Variants in ASTN2 observed in about 807,000 individuals in gnomAD.
ASTN2 encodes the protein astrotactin-2.
A neutral mutation model predicts 139.8 loss-of-function variants in ASTN2; 54 were observed. That is an observed-to-expected ratio of 0.39 (90% CI 0.31 to 0.48). The LOEUF is 0.48. Ranked by LOEUF, ASTN2 falls within the 20% of genes least tolerant of loss-of-function variation. The pLI, the probability that ASTN2 is intolerant of heterozygous loss-of-function variation, is 0.95. For missense variants in ASTN2, 1,565 were observed against 1,725.1 expected (o/e 0.91, Z 1.64); for synonymous variants, 756 against 719.5 (o/e 1.05, Z -0.81).
At chr9:117,214,255 C>A in intron 3 of ASTN2, 103 bp downstream of exon 3, 1 of 1,403,710 alleles carries the variant, frequency 7.1e-7, no homozygotes, top group Middle Eastern at 2.1e-4. Flanking sequence ...AGTGGCTTAT[C>A]CCAGAAAACA....
rs181326694 is a variant in ASTN2 at position 116,786,270 on chromosome 9, C to A, written c.2396+19362G>T. 2.6e-5 allele frequency among the ~76,000 whole-genome samples: 4 copies of A among 152,290 alleles called. No individual in the cohort carries two copies. The East Asian group carries it at 7.7e-4, about 29-fold the overall frequency. ...ATCCCCTGCCTAAAACCCTCTAGTACCCTTAACTCAACCTGCTTTTCTCCA... is the reference window on the plus strand; with the variant it reads ...ATCCCCTGCCTAAAACCCTCTAGTAACCTTAACTCAACCTGCTTTTCTCCA... On this transcript the variant is annotated intron_variant, in intron 13 of 22. Coordinates refer to ENST00000313400, the MANE Select transcript of ASTN2 (RefSeq NM_001365068.1).
Position 116,573,385 on chromosome 9 carries a change from A to T in ASTN2, c.3355+44939T>A, listed in dbSNP as rs148562119. ...AAATAAATTTGAAAAATACAGGATT[A>T]AATAAAGTTAAACAGATTTTTTTTC... On this transcript the variant is annotated intron_variant, in intron 19 of 22. Coordinates refer to ENST00000313400, the MANE Select transcript of ASTN2 (RefSeq NM_001365068.1). Among the ~76,000 whole-genome samples the T allele has an allele frequency of 6.2e-3, 945 of 152,334 alleles. 14 individuals carry two copies. The highest frequency in any genetic ancestry group is 0.021 in the African/African-American group (885 of 41,570).
At chr9:116,613,803 T>G (rs1201459619) in intron 19 of ASTN2, among the ~76,000 whole-genome samples, 1 of 152,184 alleles carries the variant, frequency 6.6e-6, no homozygotes, top group East Asian at 1.9e-4. Flanking sequence ...GCATTCTCTT[T>G]GAAAACTGGC....
At chr9:116,831,905 A>G (rs1326812) in intron 11 of ASTN2, among the ~76,000 whole-genome samples, 36,140 of 152,074 alleles carry the variant, frequency 0.24, 4,922 homozygotes, top group East Asian at 0.5. Flanking sequence ...GAATACGTAT[A>G]TCTTTCCTTG....
chr9:117,226,350 T>C (rs371797180), intron 2 of ASTN2, among the ~76,000 whole-genome samples: 1 of 152,194 alleles, frequency 6.6e-6, no homozygotes, highest in Non-Finnish European at 1.5e-5. Flanking sequence ...ATCTTTCTCA[T>C]CTTAATGAGA....
intron 16 of ASTN2, among the ~76,000 whole-genome samples, chr9:116,663,891 T>A (rs1416959583): frequency 6.6e-6 from 1 of 152,152 alleles, no homozygotes; most frequent in African/African-American, 2.4e-5. Flanking sequence ...TCCAAGAACA[T>A]CTGGATTGCC....
intron 13 of ASTN2, among the ~76,000 whole-genome samples, chr9:116,805,430 A>T (rs1175130870): frequency 6.6e-6 from 1 of 152,166 alleles, no homozygotes; most frequent in African/African-American, 2.4e-5. Context: ...AGTGGGACAA[A>T]TATATGCTAG....
intron 5 of ASTN2, among the ~76,000 whole-genome samples, chr9:117,087,496 G>A (rs943345686): frequency 2.6e-5 from 4 of 152,238 alleles, no homozygotes; most frequent in East Asian, 3.9e-4. Context: ...CCAAAGTACC[G>A]AGATTACAGG....
chr9:116,666,272 A>G (rs752255373), intron 16 of ASTN2, among the ~76,000 whole-genome samples: 7 of 152,190 alleles, frequency 4.6e-5, no homozygotes, highest in Non-Finnish European at 8.8e-5. Context: ...GCACTGCCTG[A>G]GTAATTCAGG....
At position 117,084,111 on chromosome 9, in the gene ASTN2, CTTT is replaced by C. The variant is rs1022241161; in HGVS notation, c.1276+11930_1276+11932del. ...GGGAGAGAATAGAGACAGATAGGAG[CTTT>C]TTAAGCCCATAACAATTTCTGAATA... On this transcript the variant is annotated intron_variant, in intron 5 of 22. Transcript: ENST00000313400. 5.3e-5 allele frequency among the ~76,000 whole-genome samples: 8 copies of C among 151,646 alleles called. 1 individual carries two copies. The highest frequency in any genetic ancestry group is 1.9e-4 in the African/African-American group (8 of 41,286).
chr9:117,381,680 C>A (rs979260794), intron 1 of ASTN2, among the ~76,000 whole-genome samples: 1 of 152,092 alleles, frequency 6.6e-6, no homozygotes, highest in Non-Finnish European at 1.5e-5. Flanking sequence ...GAACCATAAG[C>A]CAATTAAACC....
intron 1 of ASTN2, among the ~76,000 whole-genome samples, chr9:117,391,335 G>A (rs961162053): frequency 6.6e-6 from 1 of 152,158 alleles, no homozygotes; most frequent in African/African-American, 2.4e-5. Flanking sequence ...AAAGAAAGAG[G>A]TTTATTGGAT....
At chr9:117,268,514 G>T (rs183887388) in intron 2 of ASTN2, among the ~76,000 whole-genome samples, 3 of 152,086 alleles carry the variant, frequency 2.0e-5, no homozygotes, top group African/African-American at 7.2e-5. Flanking sequence ...TGTTCCCACC[G>T]TCTAAGGTCT....
rs374060452 is a variant in ASTN2, at chr9:116,618,480, G to A, written c.3207-8C>T. ...GTTGGGGACAGCCGCAGCCTACAGGGAATAAAAAGGAAGATTCGTGTTTGG... is the reference window on the plus strand; with the variant it reads ...GTTGGGGACAGCCGCAGCCTACAGGAAATAAAAAGGAAGATTCGTGTTTGG... On this transcript the variant is annotated splice_polypyrimidine_tract_variant and splice_region_variant and intron_variant, in intron 18 of 22. Coordinates refer to ENST00000313400, the MANE Select transcript of ASTN2 (RefSeq NM_001365068.1). The A allele has an allele frequency of 1.9e-6, 3 of 1,594,870 alleles. No individual in the cohort carries two copies. The highest frequency in any genetic ancestry group is 3.6e-5 in the Admixed American group (2 of 55,252).
At chr9:117,206,972 C>T (rs985135456) in intron 3 of ASTN2, among the ~76,000 whole-genome samples, 1 of 152,168 alleles carries the variant, frequency 6.6e-6, no homozygotes, top group African/African-American at 2.4e-5. Flanking sequence ...AACTGTCCCA[C>T]AGGACAGCCC....
chr9:116,708,463 C>G (rs576713362), intron 16 of ASTN2, among the ~76,000 whole-genome samples: 1 of 152,316 alleles, frequency 6.6e-6, no homozygotes, highest in Admixed American at 6.5e-5. Context: ...GGGATAACAA[C>G]AGCCAGGTCT....
chr9:117,373,130 G>A (rs981991446), intron 1 of ASTN2, among the ~76,000 whole-genome samples: 7 of 152,266 alleles, frequency 4.6e-5, no homozygotes, highest in Non-Finnish European at 4.4e-5. Context: ...GGCTAAGTAT[G>A]AGCCACGCAT....
intron 19 of ASTN2, chr9:116,582,226 A>G (rs1853978474): frequency 6.6e-6 from 1 of 152,204 alleles, no homozygotes; most frequent in Non-Finnish European, 1.5e-5. Context: ...TTGCTATACA[A>G]TGAAGGGATT....
intron 19 of ASTN2, among the ~76,000 whole-genome samples, chr9:116,597,481 G>A (rs1201474533): frequency 2.0e-5 from 3 of 151,522 alleles, no homozygotes; most frequent in South Asian, 2.1e-4. Context: ...TAGTAGAGAC[G>A]GGCTTTCACC....
Sources: allele counts gnomAD v4.1 joint callset (sites outside exome capture counted in the v4.1 genomes callset), GRCh38; gene constraint gnomAD v4.1.1; transcripts MANE v1.5; gene names NCBI Gene and HGNC (gene_info 2026-07-23, HGNC 2026-07-21).